The following NCS1 variants were observed in gnomAD, a reference collection of about 807,000 sequenced individuals.
NCS1 encodes the protein neuronal calcium sensor 1.
NCS1 carries 6 observed loss-of-function variants against 28.4 expected under a neutral mutation model. The ratio of observed to expected loss-of-function variants is 0.21; its 90% confidence interval spans 0.12 to 0.42. The LOEUF (loss-of-function observed/expected upper bound fraction) is 0.42. Among genes scored for constraint, NCS1 ranks in the 10% least tolerant of loss-of-function variants. The pLI, the probability that NCS1 is intolerant of heterozygous loss-of-function variation, is 1.00. For synonymous variants in NCS1, 86 were observed against 99.3 expected, an observed-to-expected ratio of 0.87 and a Z score of 0.79; for missense variants, 131 against 241.4, an observed-to-expected ratio of 0.54 and a Z score of 3.03.
chr9:130,200,883 C>T, intron 1 of NCS1, 75 bp from the exon 2 acceptor site: 1 of 1,594,944 alleles, frequency 6.3e-7, no homozygotes, highest in East Asian at 2.2e-5. Flanking sequence ...AGGGGAGGCC[C>T]CCCAGCGAAT....
At chr9:130,203,180 C>T (rs190461954) in intron 2 of NCS1, among the ~76,000 whole-genome samples, 4 of 148,008 alleles carry the variant, frequency 2.7e-5, no homozygotes, top group African/African-American at 1.0e-4. Context: ...TGCTCTGTTG[C>T]TCAGGCTGGA....
intron 7 of NCS1, among the ~76,000 whole-genome samples, chr9:130,228,211 G>T (rs1424380182): frequency 6.6e-6 from 1 of 151,150 alleles, no homozygotes; most frequent in East Asian, 1.9e-4. Context: ...CTGCGACTGG[G>T]TCTCACTCTG....
At chr9:130,199,430 A>C (rs1554907198) in intron 1 of NCS1, among the ~76,000 whole-genome samples, 2 of 152,196 alleles carry the variant, frequency 1.3e-5, no homozygotes. Context: ...GCTTGCAGAC[A>C]GGTCTCTTCC....
intron 1 of NCS1, chr9:130,200,697 A>AGCAGCG (rs1832930783): frequency 2.5e-5 from 38 of 1,542,020 alleles, no homozygotes; most frequent in Non-Finnish European, 3.2e-5. Flanking sequence ...GGGCTCTCCC[A>AGCAGCG]GCAGCGGCAG....
At chr9:130,223,384 C>CA (rs1554910907) in intron 6 of NCS1, among the ~76,000 whole-genome samples, 1 of 148,408 alleles carries the variant, frequency 6.7e-6, no homozygotes, top group Non-Finnish European at 1.5e-5. Context: ...AGTCCTTAGC[C>CA]TTTTTTTTTT....
intron 6 of NCS1, among the ~76,000 whole-genome samples, chr9:130,223,754 C>T (rs1833371647): frequency 6.6e-6 from 1 of 152,098 alleles, no homozygotes; most frequent in South Asian, 2.1e-4. Context: ...AGCTACATTT[C>T]AGTTAGAGGT....
chr9:130,212,026 G>T (rs1833119896), intron 2 of NCS1, among the ~76,000 whole-genome samples: 1 of 141,188 alleles, frequency 7.1e-6, no homozygotes, highest in African/African-American at 2.5e-5. Context: ...GAGGGGGAAG[G>T]GCAGACCATG....
intron 1 of NCS1, among the ~76,000 whole-genome samples, chr9:130,178,457 C>G (rs1231635611): frequency 6.6e-6 from 1 of 152,226 alleles, no homozygotes; most frequent in African/African-American, 2.4e-5. Context: ...TTTTCCCCGG[C>G]AGAGGCCTTG....
At chr9:130,197,901 G>A (rs1564706719) in intron 1 of NCS1, among the ~76,000 whole-genome samples, 21 of 151,794 alleles carry the variant, frequency 1.4e-4, no homozygotes, top group Admixed American at 1.2e-3. Flanking sequence ...GGAGGTGGAG[G>A]TTGCAGTGAG....
rs996545849 is a variant in NCS1 at position 130,236,175 on chromosome 9, G to A, written c.*3203G>A. 3.5e-4 allele frequency: 53 copies of A among 152,374 alleles called. No individual in the cohort carries two copies. The highest frequency in any genetic ancestry group is 1.3e-3 in the African/African-American group (52 of 41,578). The allele number at this position is 152,374 out of a possible 1,614,324, so 9.4% of individuals were successfully genotyped here. On this transcript the variant is annotated 3_prime_UTR_variant, in exon 8 of 8. Transcript: ENST00000372398. ...GTGTTTTTTCGGAGGGGGTTGGTGG[G>A]GAGGTCGGGATGCCTGGGATCCCTT...
chr9:130,198,971 C>T (rs974053419), intron 1 of NCS1, among the ~76,000 whole-genome samples: 2 of 152,262 alleles, frequency 1.3e-5, no homozygotes, highest in Non-Finnish European at 2.9e-5. Context: ...ATGCCGAATC[C>T]TGAACCCGTT....
At chr9:130,206,391 TTTTC>T (rs1188194332) in intron 2 of NCS1, among the ~76,000 whole-genome samples, 2,032 of 137,828 alleles carry the variant, frequency 0.015, 46 homozygotes, top group African/African-American at 0.052. Flanking sequence ...GTTCTTTTTC[TTTTC>T]TTTCTTTCTT....
At chr9:130,198,213 G>A (rs556319642) in intron 1 of NCS1, among the ~76,000 whole-genome samples, 11 of 152,316 alleles carry the variant, frequency 7.2e-5, no homozygotes, top group African/African-American at 2.2e-4. Flanking sequence ...CTAGTCATAT[G>A]CCCTTCTCCC....
chr9:130,185,965 C>A (rs1416161553), intron 1 of NCS1, among the ~76,000 whole-genome samples: 4 of 152,226 alleles, frequency 2.6e-5, no homozygotes, highest in African/African-American at 9.6e-5. Flanking sequence ...GGTGCCCCGG[C>A]CATGATTCCC....
chr9:130,219,662 G>T lies in NCS1; in HGVS notation c.229-63G>T. 1 of 1,536,822 alleles carries T rather than the reference G, an allele frequency of 6.5e-7. No homozygotes were observed. Among genetic ancestry groups the T allele is most frequent in the Non-Finnish European group, 9.0e-7 (1 of 1,110,402 alleles). On this transcript the variant is annotated intron_variant, in intron 3 of 7. Transcript: ENST00000372398. The surrounding 1 kb of genome is among the most constrained non-coding windows in gnomAD (Gnocchi z 5.7). The stretch of plus-strand genomic sequence containing the variant: ...GCGACTGCCCCTCGCCCGTCCCGAG[G>T]TTCAGCCTGACCCGGTGGCCTGGCC...
chr9:130,218,396 GCA>G (rs571151028), intron 3 of NCS1, among the ~76,000 whole-genome samples: 94 of 152,316 alleles, frequency 6.2e-4, no homozygotes, highest in African/African-American at 2.1e-3. Context: ...ACTTGCAGGT[GCA>G]CACACGTGTA....
chr9:130,173,130 T>C (rs1477461355), intron 1 of NCS1, among the ~76,000 whole-genome samples: 2 of 151,482 alleles, frequency 1.3e-5, no homozygotes, highest in African/African-American at 4.9e-5. Context: ...TGGTGATTCA[T>C]GCATCACGAT....
intron 1 of NCS1, among the ~76,000 whole-genome samples, chr9:130,185,819 CA>C (rs1832730727): frequency 6.6e-6 from 1 of 152,286 alleles, no homozygotes; most frequent in South Asian, 2.1e-4. Context: ...CCTGCGCGCC[CA>C]GCAGCCCACA....
At chr9:130,221,476 C>T (rs1263121113) in intron 4 of NCS1, among the ~76,000 whole-genome samples, 5 of 119,754 alleles carry the variant, frequency 4.2e-5, no homozygotes, top group Non-Finnish European at 6.8e-5. Flanking sequence ...GCTCTGTCAC[C>T]CAGGCTAGAG....
Sources: allele counts gnomAD v4.1 joint callset (sites outside exome capture counted in the v4.1 genomes callset), GRCh38; gene constraint gnomAD v4.1.1; non-coding constraint Gnocchi (gnomAD v3.1); transcripts MANE v1.5; gene names NCBI Gene and HGNC (gene_info 2026-07-23, HGNC 2026-07-21).